Variants in ANTXR2 observed in about 807,000 individuals in gnomAD.
ANTXR2 encodes the protein ANTXR cell adhesion molecule 2, also known as anthrax toxin receptor 2.
ANTXR2 carries 44 observed loss-of-function variants against 73.7 expected under a neutral mutation model. That is an observed-to-expected ratio of 0.60 (90% CI 0.47 to 0.77). The LOEUF is 0.77. Among genes scored for constraint, ANTXR2 ranks in the 30% least tolerant of loss-of-function variants. ANTXR2 has a pLI of 0.00. For missense variants in ANTXR2, 604 were observed against 592.5 expected, an observed-to-expected ratio of 1.02 and a Z score of -0.20; for synonymous variants, 217 against 205.9, an observed-to-expected ratio of 1.05 and a Z score of -0.46.
rs865900930 is a variant in ANTXR2, at chr4:80,058,667, C to T, written c.297-2654G>A. 8.4e-5 allele frequency among the ~76,000 whole-genome samples: 10 copies of T among 119,752 alleles called. No homozygotes were observed. The Admixed American group carries it at 9.7e-4, about 12-fold the overall frequency. 78.6% of individuals were successfully genotyped at this position (119,752 alleles called of 152,430 possible). A position where few individuals can be genotyped will look rare whatever the true frequency, so the allele number is the denominator to read the frequency against. On this transcript the variant is annotated intron_variant, in intron 3 of 16. Transcript: ENST00000403729. The stretch of plus-strand genomic sequence containing the variant: ...GGTTAAAAACAGAAATCATTCATCC[C>T]CACTGTAATGTTAAAAAAAAAAGCC...
At chr4:79,986,117 C>A (rs375149387) in intron 12 of ANTXR2, among the ~76,000 whole-genome samples, 2 of 152,180 alleles carry the variant, frequency 1.3e-5, no homozygotes, top group East Asian at 1.9e-4. Context: ...ACAGTTAATT[C>A]TTCACGTGAA....
Position 80,008,699 on chromosome 4 carries a change from C to G in ANTXR2, c.946-83G>C. On this transcript the variant is annotated intron_variant, in intron 11 of 16. Transcript: ENST00000403729. ...AATGTATATATATTTTAAGGAAACACCAGAAAATAATTCAGAAAGTATAAT... is the reference window on the plus strand; with the variant it reads ...AATGTATATATATTTTAAGGAAACAGCAGAAAATAATTCAGAAAGTATAAT... 5 of 780,688 alleles carry G rather than the reference C, an allele frequency of 6.4e-6. No individual in the cohort carries two copies. The South Asian group carries it at 8.6e-5, about 13-fold the overall frequency. The allele number at this position is 780,688 out of a possible 1,614,324, so 48.4% of individuals were successfully genotyped here.
Position 79,910,081 on chromosome 4 carries a change from T to C in ANTXR2, c.1429-2614A>G, listed in dbSNP as rs187585691. Among the ~76,000 whole-genome samples, 153 of 152,348 alleles carry C rather than the reference T, an allele frequency of 1.0e-3. 1 individual carries two copies. Among genetic ancestry groups the C allele is most frequent in the Admixed American group, 3.8e-3 (58 of 15,304 alleles). On this transcript the variant is annotated intron_variant, in intron 16 of 16. Coordinates refer to ENST00000403729, the MANE Select transcript of ANTXR2 (RefSeq NM_058172.6). ...CCATGGGCGACTTACTTAACTACTG[T>C]GTACCTCAGTTCTTTTATCAGTAAA...
At chr4:80,033,895 C>T (rs1177753063) in intron 8 of ANTXR2, among the ~76,000 whole-genome samples, 2 of 152,032 alleles carry the variant, frequency 1.3e-5, no homozygotes, top group African/African-American at 2.4e-5. Context: ...ACCTCCTCAA[C>T]TTCTATCCTT....
At chr4:79,978,547 T>C (rs1322557181) in intron 14 of ANTXR2, among the ~76,000 whole-genome samples, 1 of 152,212 alleles carries the variant, frequency 6.6e-6, no homozygotes, top group Non-Finnish European at 1.5e-5. Context: ...TACCCATATG[T>C]AGTGATGACA....
chr4:80,055,224 G>A lies in ANTXR2; in HGVS notation c.487-6C>T. 1 of 1,565,270 alleles carries A rather than the reference G, an allele frequency of 6.4e-7. No homozygotes were observed. The highest frequency in any genetic ancestry group is 8.7e-7 in the Non-Finnish European group (1 of 1,152,890). On this transcript the variant is annotated splice_polypyrimidine_tract_variant and splice_region_variant and intron_variant, in intron 5 of 16. Coordinates refer to ENST00000403729, the MANE Select transcript of ANTXR2 (RefSeq NM_058172.6). Reference sequence around the variant, plus strand: ...AGTGACCTGGATATCTTTGCCTATGGAGAATGAGGAGGGAAAGAGAGAAAA... The same window carrying A: ...AGTGACCTGGATATCTTTGCCTATGAAGAATGAGGAGGGAAAGAGAGAAAA...
chr4:79,934,939 G>C (rs1728200599), intron 16 of ANTXR2, among the ~76,000 whole-genome samples: 1 of 151,954 alleles, frequency 6.6e-6, no homozygotes, highest in Non-Finnish European at 1.5e-5. Flanking sequence ...ACTGACTTTG[G>C]GCCTTCTGTT....
chr4:79,975,656 A>G (rs1465512941), intron 16 of ANTXR2, among the ~76,000 whole-genome samples: 1 of 152,228 alleles, frequency 6.6e-6, no homozygotes, highest in Non-Finnish European at 1.5e-5. Flanking sequence ...ATGATGCATG[A>G]AAACAATTTT....
intron 10 of ANTXR2, among the ~76,000 whole-genome samples, chr4:80,029,751 T>G (rs1195063741): frequency 6.6e-6 from 1 of 151,732 alleles, no homozygotes; most frequent in Non-Finnish European, 1.5e-5. Context: ...CACATACAGT[T>G]CTACATCAGG....
intron 16 of ANTXR2, among the ~76,000 whole-genome samples, chr4:79,937,151 T>C (rs927752485): frequency 6.6e-6 from 1 of 152,176 alleles, no homozygotes; most frequent in Non-Finnish European, 1.5e-5. Flanking sequence ...ATAGGACTCA[T>C]TCACTGTATT....
At chr4:80,034,991 T>C (rs1732889642) in intron 8 of ANTXR2, among the ~76,000 whole-genome samples, 1 of 152,168 alleles carries the variant, frequency 6.6e-6, no homozygotes, top group Non-Finnish European at 1.5e-5. Flanking sequence ...TAGCAAGTAC[T>C]GAACCTGTCT....
intron 16 of ANTXR2, among the ~76,000 whole-genome samples, chr4:79,929,723 TATATGC>T (rs1384577465): frequency 1.0e-5 from 1 of 99,576 alleles, no homozygotes; most frequent in African/African-American, 3.5e-5. Flanking sequence ...CAAACTGATA[TATATGC>T]AAATATACAA....
chr4:80,016,800 T>C (rs1040879095), intron 11 of ANTXR2, among the ~76,000 whole-genome samples: 3 of 152,236 alleles, frequency 2.0e-5, no homozygotes, highest in Admixed American at 1.3e-4. Context: ...GAGCTATTCT[T>C]AATTTCTTTC....
intron 16 of ANTXR2, among the ~76,000 whole-genome samples, chr4:79,961,053 C>G (rs1461163972): frequency 6.6e-6 from 1 of 152,002 alleles, no homozygotes; most frequent in East Asian, 1.9e-4. Flanking sequence ...GACACAAAGG[C>G]ACCATCATAA....
intron 4 of ANTXR2, 135 bp downstream of exon 4, chr4:80,055,797 C>G: frequency 1.5e-6 from 1 of 685,534 alleles, no homozygotes; most frequent in South Asian, 2.2e-5. Flanking sequence ...TGTCTCAACT[C>G]TGGAACAACT....
chr4:80,005,995 C>T (rs1731284269), intron 12 of ANTXR2, among the ~76,000 whole-genome samples: 1 of 152,094 alleles, frequency 6.6e-6, no homozygotes, highest in East Asian at 1.9e-4. Context: ...CTTCTGAAAA[C>T]ATGTCAGAAT....
intron 16 of ANTXR2, among the ~76,000 whole-genome samples, chr4:79,966,666 AGAG>A (rs1729377151): frequency 2.0e-5 from 3 of 152,374 alleles, no homozygotes; most frequent in South Asian, 4.1e-4. Context: ...GTAGGATATT[AGAG>A]TCTCAATACA....
At position 79,903,343 on chromosome 4, in the gene ANTXR2, CCT is replaced by C. The variant is rs1204884104; in HGVS notation, c.*4084_*4085del. 1 of 146,136 alleles carries C rather than the reference CCT, an allele frequency of 6.8e-6. No individual in the cohort carries two copies. Among genetic ancestry groups the C allele is most frequent in the Non-Finnish European group, 1.5e-5 (1 of 66,860 alleles). The allele number at this position is 146,136 out of a possible 1,614,324, so 9.1% of individuals were successfully genotyped here. A position where few individuals can be genotyped will look rare whatever the true frequency, so the allele number is the denominator to read the frequency against. Reference sequence around the variant, plus strand: ...TAGAAAACACATTGAGTCAATTCTCCCTCTGTTTCTCTCTCTCTCTCTCTCTC... The same window carrying C: ...TAGAAAACACATTGAGTCAATTCTCCCTGTTTCTCTCTCTCTCTCTCTCTC... On this transcript the variant is annotated 3_prime_UTR_variant, in exon 17 of 17. Coordinates refer to ENST00000403729, the MANE Select transcript of ANTXR2 (RefSeq NM_058172.6).
chr4:79,964,480 C>G (rs573661333), intron 16 of ANTXR2, among the ~76,000 whole-genome samples: 1 of 152,260 alleles, frequency 6.6e-6, no homozygotes, highest in South Asian at 2.1e-4. Flanking sequence ...GTGGAGACTT[C>G]GATCTGTACC....
Sources: allele counts gnomAD v4.1 joint callset (sites outside exome capture counted in the v4.1 genomes callset), GRCh38; gene constraint gnomAD v4.1.1; transcripts MANE v1.5; gene names NCBI Gene and HGNC (gene_info 2026-07-23, HGNC 2026-07-21).